Variants in CSMD1 observed in about 807,000 individuals in gnomAD.
The protein encoded by CSMD1 is CUB and sushi domain-containing protein 1.
Under a neutral mutation model 417.5 loss-of-function variants are expected in CSMD1, and 213 were observed. That is an observed-to-expected ratio of 0.51 (90% CI 0.46 to 0.57). CSMD1 has a LOEUF of 0.57. Ranked by LOEUF, CSMD1 falls within the 20% of genes least tolerant of loss-of-function variation. CSMD1 has a pLI of 0.00. For synonymous variants in CSMD1, 2,862 were observed against 1,736.8 expected (o/e 1.65, Z -16.11); for missense variants, 6,923 against 4,529.7 (o/e 1.53, Z -15.17).
At chr8:4,808,015 T>A (rs554352772) in intron 1 of CSMD1, among the ~76,000 whole-genome samples, 2 of 152,224 alleles carry the variant, frequency 1.3e-5, no homozygotes, top group South Asian at 4.1e-4. Context: ...TGTATCCCAT[T>A]GCTCTCGCCC....
In CSMD1 at chr8:4,167,047, G is replaced by A. The variant is rs373156142; in HGVS notation, c.416-134948C>T. The stretch of plus-strand genomic sequence containing the variant: ...TTTCCCAGGGGACTGCTAGAAAACA[G>A]CAACAAACGGGGAGGAGAAAAAAAC... On this transcript the variant is annotated intron_variant, in intron 3 of 69. Transcript: ENST00000635120. Among the ~76,000 whole-genome samples the A allele has an allele frequency of 2.2e-4, 33 of 152,174 alleles. 1 individual carries two copies. Among genetic ancestry groups the A allele is most frequent in the African/African-American group, 7.0e-4 (29 of 41,512 alleles).
intron 12 of CSMD1, among the ~76,000 whole-genome samples, chr8:3,415,876 T>C (rs1019620051): frequency 1.3e-5 from 2 of 152,212 alleles, no homozygotes; most frequent in Non-Finnish European, 2.9e-5. Context: ...CCCCAAGTTT[T>C]CATGAGAATA....
intron 5 of CSMD1, among the ~76,000 whole-genome samples, chr8:3,967,396 T>C (rs373597863): frequency 6.6e-6 from 1 of 152,058 alleles, no homozygotes; most frequent in East Asian, 1.9e-4. Context: ...CTAGGGAGGT[T>C]GTCATTCAAC....
rs529170979 is a variant in CSMD1, at chr8:4,589,057, G to C, written c.302+48285C>G. ...CATGCACATTATATAATGTGTAATA[G>C]TGTAAAAATAGAAAAATAAAAAATA... On this transcript the variant is annotated intron_variant, in intron 2 of 69. Coordinates refer to ENST00000635120, the MANE Select transcript of CSMD1 (RefSeq NM_033225.6). 3.3e-5 allele frequency among the ~76,000 whole-genome samples: 5 copies of C among 152,078 alleles called. No individual in the cohort carries two copies. In the South Asian group the frequency reaches 6.2e-4, roughly 19 times the overall value.
Position 3,805,762 on chromosome 8 carries a change from G to A in CSMD1, c.819-51720C>T, listed in dbSNP as rs1383957. 2.3e-3 allele frequency among the ~76,000 whole-genome samples: 347 copies of A among 151,860 alleles called. 2 individuals are homozygous for A. The highest frequency in any genetic ancestry group is 8.1e-3 in the African/African-American group (335 of 41,406). On this transcript the variant is annotated intron_variant, in intron 5 of 69. Transcript: ENST00000635120. The stretch of plus-strand genomic sequence containing the variant: ...CTTGTTTGTGATACTCTTTGAGTCC[G>A]TCCCCTACCCCAGTCTTTGTGAGTC...
chr8:3,988,552 C>G (rs1447091742), intron 5 of CSMD1, among the ~76,000 whole-genome samples: 2 of 152,190 alleles, frequency 1.3e-5, no homozygotes, highest in Non-Finnish European at 2.9e-5. Flanking sequence ...CACTCCAGAA[C>G]TGCTAGATCA....
At chr8:3,512,337 G>T (rs1039105469) in intron 10 of CSMD1, among the ~76,000 whole-genome samples, 1 of 152,184 alleles carries the variant, frequency 6.6e-6, no homozygotes, top group Admixed American at 6.5e-5. Flanking sequence ...CACAGCCTCA[G>T]CCTCTCCCCT....
At chr8:3,334,007 CAAT>C in intron 23 of CSMD1, among the ~76,000 whole-genome samples, 1 of 152,152 alleles carries the variant, frequency 6.6e-6, no homozygotes, top group Non-Finnish European at 1.5e-5. Flanking sequence ...AAGAAGTAAT[CAAT>C]GATGACATGG....
At chr8:3,015,480 C>G (rs1190990621) in intron 52 of CSMD1, among the ~76,000 whole-genome samples, 1 of 151,876 alleles carries the variant, frequency 6.6e-6, no homozygotes, top group Non-Finnish European at 1.5e-5. Context: ...TATATAGACA[C>G]AGTTTTCAGA....
In CSMD1 at chr8:3,467,921, A is replaced by T. The variant is rs74446978; in HGVS notation, c.1561+791T>A. ...ATACTGCCTATTTACTCAAATTCAA[A>T]AAGTAGAATAAAATACAGTTCCAAC... On this transcript the variant is annotated intron_variant, in intron 12 of 69. Coordinates refer to ENST00000635120, the MANE Select transcript of CSMD1 (RefSeq NM_033225.6). 3.9e-5 allele frequency among the ~76,000 whole-genome samples: 6 copies of T among 152,364 alleles called. No homozygotes were observed. The East Asian group carries it at 9.6e-4, about 24-fold the overall frequency.
In CSMD1 at chr8:3,509,158, C is replaced by G. The variant is rs117967256; in HGVS notation, c.1345-15432G>C. ...CTAAGTATTCAGTAGATAAGGTCAA[C>G]TCAAAAGTTTCTATGTCAAGAAAGT... On this transcript the variant is annotated intron_variant, in intron 10 of 69. Transcript: ENST00000635120. Among the ~76,000 whole-genome samples the G allele has an allele frequency of 4.8e-3, 735 of 152,250 alleles. 4 individuals carry two copies. Among genetic ancestry groups the G allele is most frequent in the Non-Finnish European group, 7.0e-3 (479 of 68,028 alleles).
chr8:3,398,400 T>C (rs148896335), intron 16 of CSMD1, among the ~76,000 whole-genome samples: 258 of 152,372 alleles, frequency 1.7e-3, no homozygotes, highest in African/African-American at 5.4e-3. Context: ...GGATTATTAT[T>C]ATTTTGTCAG....
At chr8:4,908,624 T>C (rs1805460454) in intron 1 of CSMD1, among the ~76,000 whole-genome samples, 1 of 152,166 alleles carries the variant, frequency 6.6e-6, no homozygotes, top group Non-Finnish European at 1.5e-5. Flanking sequence ...GAGTCTTTTC[T>C]AGGCTATATT....
intron 12 of CSMD1, among the ~76,000 whole-genome samples, chr8:3,436,232 G>C (rs950113039): frequency 3.3e-5 from 5 of 152,126 alleles, no homozygotes; most frequent in Admixed American, 2.6e-4. Context: ...TATTGAAAAA[G>C]AAAATTAAAA....
At chr8:3,662,955 T>C (rs112541773) in intron 7 of CSMD1, among the ~76,000 whole-genome samples, 77 of 152,164 alleles carry the variant, frequency 5.1e-4, no homozygotes, top group African/African-American at 1.7e-3. Context: ...TGTGTTCCTA[T>C]GTAACAAACC....
At chr8:3,789,668 G>T (rs760010497) in intron 5 of CSMD1, among the ~76,000 whole-genome samples, 1 of 150,366 alleles carries the variant, frequency 6.7e-6, no homozygotes, top group Non-Finnish European at 1.5e-5. Flanking sequence ...TGCTTAATGA[G>T]ACATGTATGA....
At chr8:4,136,864 T>A (rs975746918) in intron 3 of CSMD1, among the ~76,000 whole-genome samples, 1 of 152,196 alleles carries the variant, frequency 6.6e-6, no homozygotes, top group African/African-American at 2.4e-5. Context: ...TTGTGATTAT[T>A]TACGAATTTC....
At chr8:3,094,201 G>A (rs1050974505) in intron 47 of CSMD1, among the ~76,000 whole-genome samples, 2 of 152,008 alleles carry the variant, frequency 1.3e-5, no homozygotes, top group Non-Finnish European at 2.9e-5. Context: ...TGCCTCCTGG[G>A]CTCAAATGAT....
intron 4 of CSMD1, among the ~76,000 whole-genome samples, chr8:3,998,806 A>T (rs1320170164): frequency 6.6e-6 from 1 of 151,270 alleles, no homozygotes; most frequent in Non-Finnish European, 1.5e-5. Flanking sequence ...TAGAGTAAAA[A>T]AGCTTCTTTG....
Sources: gnomAD v4.1 joint callset for allele counts (sites outside exome capture counted in the v4.1 genomes callset) on GRCh38, gnomAD v4.1.1 for gene constraint, MANE v1.5 for transcripts, NCBI Gene and HGNC (gene_info 2026-07-23, HGNC 2026-07-21) for gene names.